FAT3: variants seen among roughly 807,000 people sequenced by gnomAD.
The protein encoded by FAT3 is FAT atypical cadherin 3.
FAT3 carries 95 observed loss-of-function variants against 310.2 expected under a neutral mutation model. The observed-to-expected ratio is 0.31, with a 90% CI of 0.26 to 0.36. FAT3 has a LOEUF of 0.36. Among genes scored for constraint, FAT3 ranks in the 10% least tolerant of loss-of-function variants. The probability of loss-of-function intolerance (pLI) is 1.00; values close to 1 mark genes in which losing one functional copy is unlikely to be tolerated. For synonymous variants in FAT3, 2,314 were observed against 2,192.9 expected (o/e 1.06, Z -1.54); for missense variants, 5,408 against 5,715.6 (o/e 0.95, Z 1.74).
At chr11:92,683,382 T>C (rs1943542909) in intron 3 of FAT3, among the ~76,000 whole-genome samples, 2 of 152,218 alleles carry the variant, frequency 1.3e-5, no homozygotes, top group African/African-American at 4.8e-5. Context: ...CTGAGGTAAC[T>C]TGGGGTTGGG....
chr11:92,648,006 A>T (rs988746613), intron 3 of FAT3, among the ~76,000 whole-genome samples: 1 of 152,118 alleles, frequency 6.6e-6, no homozygotes, highest in African/African-American at 2.4e-5. Context: ...TCTGTTAGGG[A>T]TAGAAGAGCC....
At chr11:92,643,960 T>C (rs1942053531) in intron 3 of FAT3, among the ~76,000 whole-genome samples, 1 of 152,278 alleles carries the variant, frequency 6.6e-6, no homozygotes, top group East Asian at 1.9e-4. Context: ...AAAGAATGGC[T>C]ACATGCCTTC....
chr11:92,859,248 G>A lies in FAT3; in HGVS notation c.11584G>A (p.Ala3862Thr). The change falls in exon 21 of 28, where the codon GCT (alanine) becomes ACT (threonine). Residue 3862 changes from alanine to threonine, a missense_variant. Ala to Thr is a moderately conservative substitution (Grantham distance 58). Transcript: ENST00000525166. ...ENSKEEDFKLALRLRTLQSNG... is the reference protein window; with the variant it reads ...ENSKEEDFKLTLRLRTLQSNG... Reference sequence around the variant, plus strand: ...TAGCAAAGAAGAGGATTTCAAACTAGCTCTGCGTCTTCGAACACTGCAAAG... The same window carrying A: ...TAGCAAAGAAGAGGATTTCAAACTAACTCTGCGTCTTCGAACACTGCAAAG... 1.9e-6 allele frequency: 3 copies of A among 1,613,822 alleles called. No individual in the cohort carries two copies. The highest frequency in any genetic ancestry group is 1.1e-5 in the South Asian group (1 of 91,042).
At chr11:92,540,436 C>G (rs1399739974) in intron 3 of FAT3, among the ~76,000 whole-genome samples, 2 of 152,106 alleles carry the variant, frequency 1.3e-5, no homozygotes, top group East Asian at 1.9e-4. Context: ...TTCTGGCCCA[C>G]TTTTATTAAA....
intron 2 of FAT3, among the ~76,000 whole-genome samples, chr11:92,481,585 A>T (rs867412396): frequency 1.3e-5 from 2 of 152,194 alleles, no homozygotes; most frequent in African/African-American, 4.8e-5. Context: ...GGTTCAGATA[A>T]TTTCTCAGGA....
At chr11:92,509,509 G>T (rs1009166677) in intron 2 of FAT3, among the ~76,000 whole-genome samples, 1 of 152,150 alleles carries the variant, frequency 6.6e-6, no homozygotes, top group Non-Finnish European at 1.5e-5. Context: ...GAATATTTCA[G>T]CCAATATTTA....
At chr11:92,469,804 C>T (rs143000502) in intron 2 of FAT3, among the ~76,000 whole-genome samples, 1,519 of 150,616 alleles carry the variant, frequency 0.01, 30 homozygotes, top group African/African-American at 0.035. Context: ...CATGAGCCAC[C>T]GCACCTGGCC....
At chr11:92,346,027 C>T (rs866297921) in intron 1 of FAT3, among the ~76,000 whole-genome samples, 36 of 152,236 alleles carry the variant, frequency 2.4e-4, no homozygotes, top group African/African-American at 7.2e-4. Context: ...CATTCTCTAG[C>T]TACAGTGGTT....
intron 2 of FAT3, among the ~76,000 whole-genome samples, chr11:92,432,902 G>T (rs1046435188): frequency 3.3e-5 from 5 of 152,214 alleles, no homozygotes; most frequent in African/African-American, 7.2e-5. Flanking sequence ...CCTAACTGGG[G>T]CTGCTGCCTT....
At chr11:92,228,317 AT>A (rs553987828) in intron 1 of FAT3, among the ~76,000 whole-genome samples, 2 of 151,934 alleles carry the variant, frequency 1.3e-5, no homozygotes, top group African/African-American at 2.4e-5. Flanking sequence ...CATTTTGGGG[AT>A]TTTTTTAATA....
intron 3 of FAT3, among the ~76,000 whole-genome samples, chr11:92,694,467 A>G (rs951775064): frequency 2.0e-5 from 3 of 152,220 alleles, no homozygotes; most frequent in Non-Finnish European, 2.9e-5. Flanking sequence ...GCTGATCAAT[A>G]TGTGAGAAAC....
intron 2 of FAT3, among the ~76,000 whole-genome samples, chr11:92,358,396 C>T (rs1948790686): frequency 6.6e-6 from 1 of 151,990 alleles, no homozygotes; most frequent in South Asian, 2.1e-4. Flanking sequence ...ATCCATTGCC[C>T]TTTCCTTTCA....
intron 13 of FAT3, among the ~76,000 whole-genome samples, chr11:92,814,980 C>A (rs1316088140): frequency 6.6e-6 from 1 of 152,098 alleles, no homozygotes; most frequent in Non-Finnish European, 1.5e-5. Context: ...GTGGACCCAA[C>A]TAAATAGTTG....
At chr11:92,283,349 G>A (rs534388574) in intron 1 of FAT3, among the ~76,000 whole-genome samples, 2 of 152,252 alleles carry the variant, frequency 1.3e-5, no homozygotes, top group Non-Finnish European at 2.9e-5. Flanking sequence ...CAAAGTTTTT[G>A]ACACCAAACC....
intron 3 of FAT3, among the ~76,000 whole-genome samples, chr11:92,674,561 T>C (rs1943228337): frequency 6.6e-6 from 1 of 152,056 alleles, no homozygotes; most frequent in Non-Finnish European, 1.5e-5. Flanking sequence ...CTCACTCTGT[T>C]GCCCAAGCTG....
rs1335318041 is a variant in FAT3 at position 92,512,995 on chromosome 11, G to A, written c.3293-11639G>A. Among the ~76,000 whole-genome samples the A allele has an allele frequency of 3.0e-5, 3 of 98,750 alleles. 1 individual carries two copies. Among genetic ancestry groups the A allele is most frequent in the African/African-American group, 4.7e-5 (1 of 21,416 alleles). 64.8% of individuals were successfully genotyped at this position (98,750 alleles called of 152,430 possible). A position where few individuals can be genotyped will look rare whatever the true frequency, so the allele number is the denominator to read the frequency against. On this transcript the variant is annotated intron_variant, in intron 2 of 27. Transcript: ENST00000525166. ...AAATTAGCCGGGCGTGGTAGCGGGC[G>A]CCTGTAGTCCCAGCTACTCGGGAGG...
intron 2 of FAT3, among the ~76,000 whole-genome samples, chr11:92,463,745 C>G (rs142146692): frequency 5.5e-4 from 84 of 152,276 alleles, no homozygotes; most frequent in African/African-American, 2.0e-3. Flanking sequence ...GTCTGGCACT[C>G]ATATCTTACT....
At chr11:92,434,026 A>AAG (rs1324493686) in intron 2 of FAT3, among the ~76,000 whole-genome samples, 1 of 151,236 alleles carries the variant, frequency 6.6e-6, no homozygotes, top group Non-Finnish European at 1.5e-5. Flanking sequence ...AAAAAAAAAA[A>AAG]AAAAGAAGAA....
rs188039307 is a variant in FAT3 at position 92,270,760 on chromosome 11, A to C, written c.-18+45586A>C. The stretch of plus-strand genomic sequence containing the variant: ...TATATATCCAATTGGACTCCCACTT[A>C]GATATTTGAGAAATATCATATACAT... On this transcript the variant is annotated intron_variant, in intron 1 of 27. Coordinates refer to ENST00000525166, the MANE Select transcript of FAT3 (RefSeq NM_001367949.2). Among the ~76,000 whole-genome samples, 6 of 152,186 alleles carry C rather than the reference A, an allele frequency of 3.9e-5. No homozygotes were observed. The East Asian group carries it at 9.7e-4, about 25-fold the overall frequency.
Sources: allele counts gnomAD v4.1 joint callset (sites outside exome capture counted in the v4.1 genomes callset), GRCh38; gene constraint gnomAD v4.1.1; transcripts MANE v1.5; gene names NCBI Gene and HGNC (gene_info 2026-07-23, HGNC 2026-07-21).